The following RBFOX1 variants were observed in gnomAD, a reference collection of about 807,000 sequenced individuals.
RBFOX1 encodes RNA binding protein fox-1 homolog 1.
Under a neutral mutation model 57.7 loss-of-function variants are expected in RBFOX1, and 8 were observed. That is an observed-to-expected ratio of 0.14 (90% CI 0.08 to 0.25). The LOEUF is 0.25. Among genes scored for constraint, RBFOX1 ranks in the 10% least tolerant of loss-of-function variants. The probability of loss-of-function intolerance (pLI) is 1.00; values close to 1 mark genes in which losing one functional copy is unlikely to be tolerated. For synonymous variants in RBFOX1, 326 were observed against 222.4 expected (o/e 1.47, Z -4.15); for missense variants, 611 against 548.5 (o/e 1.11, Z -1.14).
chr16:7,490,189 T>C (rs1296660813), intron 4 of RBFOX1, among the ~76,000 whole-genome samples: 2 of 152,208 alleles, frequency 1.3e-5, no homozygotes, highest in Admixed American at 6.5e-5. Flanking sequence ...ATTTGACGTT[T>C]TCCCCCCCTT....
chr16:6,904,918 A>G (rs2069445655), intron 3 of RBFOX1, among the ~76,000 whole-genome samples: 1 of 152,194 alleles, frequency 6.6e-6, no homozygotes, highest in African/African-American at 2.4e-5. Context: ...ATTCCCTCAG[A>G]CAACAAAACT....
chr16:6,836,451 C>T (rs2093102683), intron 3 of RBFOX1, among the ~76,000 whole-genome samples: 1 of 152,210 alleles, frequency 6.6e-6, no homozygotes, highest in African/African-American at 2.4e-5. Context: ...TTTGGGGATT[C>T]TGCTTAGCTC....
At chr16:6,694,755 C>T (rs1230695737) in intron 3 of RBFOX1, among the ~76,000 whole-genome samples, 1 of 152,170 alleles carries the variant, frequency 6.6e-6, no homozygotes, top group East Asian at 1.9e-4. Flanking sequence ...TGAATTCCAG[C>T]ATTGCCTCTC....
At chr16:6,580,093 G>C (rs947482948) in intron 2 of RBFOX1, among the ~76,000 whole-genome samples, 1 of 151,894 alleles carries the variant, frequency 6.6e-6, no homozygotes, top group Non-Finnish European at 1.5e-5. Flanking sequence ...CAGGTAGCTG[G>C]GATTACAGGT....
At chr16:6,242,494 G>T in intron 1 of RBFOX1, among the ~76,000 whole-genome samples, 1 of 151,802 alleles carries the variant, frequency 6.6e-6, no homozygotes. Context: ...CTCCCAAATT[G>T]CTGGGAGTAC....
chr16:6,390,458 T>G (rs966442018), intron 2 of RBFOX1, among the ~76,000 whole-genome samples: 7 of 152,018 alleles, frequency 4.6e-5, no homozygotes, highest in African/African-American at 1.7e-4. Context: ...GACTTCAGTG[T>G]GCCGGGCACT....
chr16:6,063,514 T>A (rs925766274), intron 1 of RBFOX1, among the ~76,000 whole-genome samples: 1 of 132,876 alleles, frequency 7.5e-6, no homozygotes, highest in African/African-American at 2.8e-5. Context: ...CACCCCCTTA[T>A]ATTTTTCCCC....
intron 1 of RBFOX1, among the ~76,000 whole-genome samples, chr16:5,420,687 C>G (rs949789686): frequency 5.3e-5 from 8 of 152,120 alleles, no homozygotes; most frequent in African/African-American, 1.9e-4. Flanking sequence ...GCGTGCGCCA[C>G]CATGCCTGGC....
intron 4 of RBFOX1, among the ~76,000 whole-genome samples, chr16:7,297,170 C>T (rs1412893535): frequency 6.6e-6 from 1 of 152,258 alleles, no homozygotes; most frequent in Middle Eastern, 3.4e-3. Flanking sequence ...GGAGGGAAGG[C>T]AGTTTGGGCC....
chr16:7,671,523 G>C (rs1294256283), intron 13 of RBFOX1: 1 of 1,557,302 alleles, frequency 6.4e-7, no homozygotes, highest in African/African-American at 1.4e-5. Context: ...TTTCATTTTT[G>C]CATTGAAAAC....
chr16:7,201,105 G>A (rs1484235750), intron 4 of RBFOX1, among the ~76,000 whole-genome samples: 1 of 152,124 alleles, frequency 6.6e-6, no homozygotes, highest in East Asian at 1.9e-4. Context: ...TGTAAAAATT[G>A]CTCTGCAGGC....
chr16:6,814,229 AAC>A (rs1232999837), intron 3 of RBFOX1, among the ~76,000 whole-genome samples: 2 of 145,510 alleles, frequency 1.4e-5, no homozygotes, highest in African/African-American at 5.0e-5. Context: ...TTCATGTAAT[AAC>A]ACAGAGAGAA....
At chr16:5,591,530 C>T (rs549219366) in intron 2 of RBFOX1, among the ~76,000 whole-genome samples, 28 of 152,218 alleles carry the variant, frequency 1.8e-4, no homozygotes, top group African/African-American at 4.8e-4. Context: ...GGATTACAGG[C>T]GTGAGTCACT....
At chr16:7,334,443 A>G (rs2096748975) in intron 4 of RBFOX1, among the ~76,000 whole-genome samples, 2 of 152,110 alleles carry the variant, frequency 1.3e-5, no homozygotes, top group Admixed American at 1.3e-4. Context: ...ACGTGGGGTG[A>G]AGGTCGGCTG....
chr16:7,638,376 C>T (rs2062131308), intron 11 of RBFOX1, among the ~76,000 whole-genome samples: 1 of 151,800 alleles, frequency 6.6e-6, no homozygotes, highest in Non-Finnish European at 1.5e-5. Flanking sequence ...AGCTTTGAAC[C>T]AAGCCTGTTT....
intron 4 of RBFOX1, among the ~76,000 whole-genome samples, chr16:7,158,651 C>T (rs1454630963): frequency 6.6e-6 from 1 of 150,880 alleles, no homozygotes; most frequent in Non-Finnish European, 1.5e-5. Flanking sequence ...TGTGGTGTGT[C>T]TATGGTGCGT....
intron 4 of RBFOX1, among the ~76,000 whole-genome samples, chr16:7,500,456 T>C (rs569700736): frequency 7.5e-4 from 114 of 152,350 alleles, no homozygotes; most frequent in South Asian, 3.7e-3. Context: ...ATATTCAGTT[T>C]TCTTATTCCC....
intron 14 of RBFOX1, chr16:7,693,353 G>C: frequency 1.2e-6 from 2 of 1,606,578 alleles, no homozygotes; most frequent in Admixed American, 1.7e-5. Context: ...GAAATTTCTT[G>C]TAACACCTCT....
chr16:6,156,025 A>G (rs897856421), intron 1 of RBFOX1, among the ~76,000 whole-genome samples: 1 of 152,124 alleles, frequency 6.6e-6, no homozygotes. Flanking sequence ...AAAGTAGGAG[A>G]CTGGGGCAGA....
Sources: gnomAD v4.1 joint callset for allele counts (sites outside exome capture counted in the v4.1 genomes callset) on GRCh38, gnomAD v4.1.1 for gene constraint, MANE v1.5 for transcripts, NCBI Gene and HGNC (gene_info 2026-07-23, HGNC 2026-07-21) for gene names.